The following RPS9 variants were observed in gnomAD, a reference collection of about 807,000 sequenced individuals.
The protein encoded by RPS9 is ribosomal protein S9, also known as small ribosomal subunit protein uS4.
In RPS9, 1 loss-of-function variant was observed where a neutral mutation model predicts 16.9. That is an observed-to-expected ratio of 0.06 (90% confidence interval 0.02 to 0.28). The LOEUF is 0.28. Ranked by LOEUF, RPS9 falls within the 10% of genes least tolerant of loss-of-function variation. The pLI, the probability that RPS9 is intolerant of heterozygous loss-of-function variation, is 1.00. For missense variants in RPS9, 137 were observed against 273.2 expected (o/e 0.50, Z 3.51); for synonymous variants, 106 against 110.9 (o/e 0.96, Z 0.28).
Position 54,201,564 on chromosome 19 carries a change from G to C in RPS9, c.175G>C (p.Glu59Gln), listed in dbSNP as rs1271083534. 6.2e-7 allele frequency: 1 copy of C among 1,614,042 alleles called. No individual in the cohort carries two copies. Residue 59 changes from glutamate (E) to glutamine (Q), a missense_variant, in exon 3 of 5, where the codon GAA becomes CAA. This residue lies in a region of RPS9 where 64 missense variants were observed against 164.0 expected (regional missense o/e 0.39). Coordinates refer to ENST00000302907, the MANE Select transcript of RPS9 (RefSeq NM_001013.4). The part of the protein sequence containing the change: ...TLAKIRKAAR[E>Q]LLTLDEKDPR... ...GGCCAAGATCCGCAAGGCCGCCCGGGAACTGCTGACGCTTGATGAGAAGGA... is the reference window on the plus strand; with the variant it reads ...GGCCAAGATCCGCAAGGCCGCCCGGCAACTGCTGACGCTTGATGAGAAGGA...
At position 54,201,094 on chromosome 19, in the gene RPS9, G is replaced by T. The variant is rs147101763; in HGVS notation, c.-25-66G>T. On this transcript the variant is annotated intron_variant, in intron 1 of 4. Transcript: ENST00000302907. Reference sequence around the variant, plus strand: ...TCGGATCTGGGCTCCGCGAGGTTTTGGCGTAGTTGTGGGACTGCGCAGGCG... The same window carrying T: ...TCGGATCTGGGCTCCGCGAGGTTTTTGCGTAGTTGTGGGACTGCGCAGGCG... 7 of 1,593,200 alleles carry T rather than the reference G, an allele frequency of 4.4e-6. 1 individual carries two copies. The East Asian group carries it at 1.6e-4, about 36-fold the overall frequency.
chr19:54,202,703 G>C (rs2077101375), intron 3 of RPS9: 1 of 985,414 alleles, frequency 1.0e-6, no homozygotes, highest in Non-Finnish European at 1.2e-6. Context: ...CGCTGCTTTT[G>C]CCTGAGTTTG....
At chr19:54,202,271 C>T (rs1293006628) in intron 3 of RPS9, 13 of 226,644 alleles carry the variant, frequency 5.7e-5, no homozygotes, top group Non-Finnish European at 8.8e-5. Flanking sequence ...CTGCAAACTC[C>T]GCCTCCAGAG....
In RPS9 at chr19:54,201,295, G is replaced by T. The variant is rs755895397; in HGVS notation, c.97+14G>T. On this transcript the variant is annotated intron_variant, in intron 2 of 4. Coordinates refer to ENST00000302907, the MANE Select transcript of RPS9 (RefSeq NM_001013.4). Reference sequence around the variant, plus strand: ...TGAAGCTGATCGGTGAGTGGCCAAGGCTTCCGGGAAGTGGTTCGGCTTCCG... The same window carrying T: ...TGAAGCTGATCGGTGAGTGGCCAAGTCTTCCGGGAAGTGGTTCGGCTTCCG... The T allele has an allele frequency of 1.0e-4, 165 of 1,613,870 alleles. 1 individual carries two copies. In the South Asian group the frequency reaches 1.6e-3, roughly 16 times the overall value.
At chr19:54,207,374 A>G (rs747656288) in intron 4 of RPS9, 24 bp from the exon 5 acceptor site, 86 of 1,592,528 alleles carry the variant, frequency 5.4e-5, no homozygotes, top group Admixed American at 3.7e-4. Flanking sequence ...CCTCCAGTCC[A>G]CCTCACCTTG....
At chr19:54,203,157 A>G (rs577933368) in intron 3 of RPS9, 3 of 927,756 alleles carry the variant, frequency 3.2e-6, no homozygotes, top group Non-Finnish European at 3.9e-6. Context: ...CTTTCTGGAC[A>G]TAGATCCTAA....
chr19:54,207,190 GA>G (rs1471299045), intron 4 of RPS9: 3 of 547,312 alleles, frequency 5.5e-6, no homozygotes, highest in Non-Finnish European at 9.6e-6. Flanking sequence ...ATGGGGTTGA[GA>G]AAGTCATCTG....
chr19:54,201,371 TC>T, intron 2 of RPS9, 90 bp downstream of exon 2: 1 of 1,606,944 alleles, frequency 6.2e-7, no homozygotes. Context: ...ATCTAGTCCG[TC>T]CCCTAAATTT....
In RPS9 at chr19:54,201,525, G is replaced by A. The variant is rs918485306; in HGVS notation, c.136G>A (p.Val46Ile). The A allele has an allele frequency of 1.9e-6, 3 of 1,614,038 alleles. No homozygotes were observed. The highest frequency in any genetic ancestry group is 1.7e-6 in the Non-Finnish European group (2 of 1,179,998). The change falls in exon 3 of 5, where the codon GTC becomes ATC. Residue 46 changes from valine (V) to isoleucine (I), a missense_variant. By Grantham distance (29) the Val-to-Ile change is conservative. Coordinates refer to ENST00000302907, the MANE Select transcript of RPS9 (RefSeq NM_001013.4). ...CCGGAACAAACGTGAGGTCTGGAGG[G>A]TCAAATTTACCCTGGCCAAGATCCG... ...GLRNKREVWR[V>I]KFTLAKIRKA...
chr19:54,206,096 G>A (rs866927697), intron 3 of RPS9, among the ~76,000 whole-genome samples, 180 bp from the exon 4 acceptor site: 1 of 152,344 alleles, frequency 6.6e-6, no homozygotes, highest in Middle Eastern at 3.4e-3. Flanking sequence ...GATTACAGGT[G>A]TGAGCCACCA....
At chr19:54,201,327 G>A (rs747365892) in intron 2 of RPS9, 46 bp downstream of exon 2, 2 of 1,613,508 alleles carry the variant, frequency 1.2e-6, no homozygotes, top group Non-Finnish European at 1.7e-6. Flanking sequence ...TCCGGGAGGC[G>A]GTTAGCACGT....
chr19:54,207,358 G>A (rs373032105), intron 4 of RPS9, 40 bp from the exon 5 acceptor site: 22 of 1,556,934 alleles, frequency 1.4e-5, no homozygotes, highest in Middle Eastern at 1.8e-4. Flanking sequence ...GTTAGCGTCC[G>A]TTTCTCCTCC....
chr19:54,203,457 C>G (rs1462996006), intron 3 of RPS9: 1 of 294,802 alleles, frequency 3.4e-6, no homozygotes, highest in Non-Finnish European at 5.0e-6. Flanking sequence ...CAACATTTGG[C>G]TGGCAGTTAA....
chr19:54,201,429 G>T, intron 2 of RPS9, 58 bp from the exon 3 acceptor site: 6 of 1,611,790 alleles, frequency 3.7e-6, no homozygotes, highest in Non-Finnish European at 4.2e-6. Flanking sequence ...AAAGCTGCCA[G>T]TCTAGTTGTT....
In RPS9 at chr19:54,207,380, C is replaced by A; in HGVS notation, c.408-18C>A. On this transcript the variant is annotated intron_variant, in intron 4 of 4. Coordinates refer to ENST00000302907, the MANE Select transcript of RPS9 (RefSeq NM_001013.4). ...TCCGTTTCTCCTCCAGTCCACCTCA[C>A]CTTGTCGCTGCTTCCAGGGTCCGCA... 1 of 1,597,856 alleles carries A rather than the reference C, an allele frequency of 6.3e-7. No individual in the cohort carries two copies.
At chr19:54,202,862 A>G (rs2077107749) in intron 3 of RPS9, 1 of 985,310 alleles carries the variant, frequency 1.0e-6, no homozygotes, top group Non-Finnish European at 1.2e-6. Flanking sequence ...TGCAGATGTT[A>G]GAAGCTTTTT....
At chr19:54,201,121 C>G in intron 1 of RPS9, 39 bp from the exon 2 acceptor site, 2 of 1,610,334 alleles carry the variant, frequency 1.2e-6, no homozygotes, top group Non-Finnish European at 1.7e-6. Context: ...GCGCAGGCGC[C>G]GTTTGGATCC....
intron 3 of RPS9, among the ~76,000 whole-genome samples, chr19:54,203,944 A>C (rs780791829): frequency 6.6e-6 from 1 of 152,214 alleles, no homozygotes; most frequent in Non-Finnish European, 1.5e-5. Context: ...CTCTTGGTGC[A>C]TTGGCCCAGT....
intron 2 of RPS9, 35 bp downstream of exon 2, chr19:54,201,316 T>G (rs2077041505): frequency 6.2e-7 from 1 of 1,613,634 alleles, no homozygotes; most frequent in South Asian, 1.1e-5. Flanking sequence ...GTGGTTCGGC[T>G]TCCGGGAGGC....
Sources: gnomAD v4.1 joint callset for allele counts (sites outside exome capture counted in the v4.1 genomes callset) on GRCh38, gnomAD v4.1.1 for gene constraint, gnomAD v4.1.1 regional missense constraint, MANE v1.5 for transcripts, NCBI Gene and HGNC (gene_info 2026-07-23, HGNC 2026-07-21) for gene names.